Variants in NEK1 observed in about 807,000 individuals in gnomAD.
NEK1 encodes NIMA related kinase 1, also known as serine/threonine-protein kinase Nek1.
NEK1 carries 137 observed loss-of-function variants against 182.1 expected under a neutral mutation model. The ratio of observed to expected loss-of-function variants is 0.75; its 90% CI spans 0.65 to 0.87. The LOEUF (loss-of-function observed/expected upper bound fraction) is 0.87, where lower values mean the gene tolerates loss of function less well. Ranked by LOEUF, NEK1 falls within the 40% of genes least tolerant of loss-of-function variation. NEK1 has a pLI of 0.00. For missense variants in NEK1, 1,391 were observed against 1,494.4 expected (o/e 0.93, Z 1.14); for synonymous variants, 513 against 492.2 (o/e 1.04, Z -0.56).
At chr4:169,582,815 A>T (rs1766889980) in intron 10 of NEK1, among the ~76,000 whole-genome samples, 1 of 152,164 alleles carries the variant, frequency 6.6e-6, no homozygotes, top group African/African-American at 2.4e-5. Flanking sequence ...TACCAAGGAC[A>T]TTTCAAGTGC....
At chr4:169,406,910 T>A (rs1464190381) in intron 31 of NEK1, among the ~76,000 whole-genome samples, 163 bp from the exon 32 acceptor site, 1 of 151,284 alleles carries the variant, frequency 6.6e-6, no homozygotes, top group African/African-American at 2.4e-5. Flanking sequence ...ATAAAAAATA[T>A]ATATATATAT....
intron 35 of NEK1, among the ~76,000 whole-genome samples, chr4:169,399,186 A>G (rs1731217092): frequency 6.6e-6 from 1 of 152,126 alleles, no homozygotes; most frequent in Admixed American, 6.6e-5. Context: ...CAGAGGTTGC[A>G]GTGAGCTGAG....
intron 12 of NEK1, among the ~76,000 whole-genome samples, chr4:169,568,199 C>T (rs1052266454): frequency 4.6e-5 from 7 of 152,154 alleles, no homozygotes; most frequent in East Asian, 1.9e-4. Context: ...GACATAATGA[C>T]GTAAAGATAC....
intron 30 of NEK1, 63 bp downstream of exon 30, chr4:169,426,083 G>C (rs1282253269): frequency 8.4e-7 from 1 of 1,188,352 alleles, no homozygotes; most frequent in East Asian, 2.4e-5. Context: ...AAATAAAACA[G>C]GTTGATGTTA....
At chr4:169,537,131 C>T (rs1758638662) in intron 19 of NEK1, among the ~76,000 whole-genome samples, 1 of 152,132 alleles carries the variant, frequency 6.6e-6, no homozygotes. Context: ...AGTGGACAGA[C>T]ATAATCATCA....
chr4:169,488,762 A>G (rs1282245433), intron 23 of NEK1, among the ~76,000 whole-genome samples: 2 of 152,210 alleles, frequency 1.3e-5, no homozygotes, highest in Non-Finnish European at 2.9e-5. Context: ...GTAACGGTCA[A>G]TGAGTAAAGA....
chr4:169,503,592 C>T (rs1183551314), intron 23 of NEK1, among the ~76,000 whole-genome samples: 1 of 152,056 alleles, frequency 6.6e-6, no homozygotes, highest in Non-Finnish European at 1.5e-5. Context: ...TCATCTTTGA[C>T]AAATGTTCCA....
At chr4:169,588,528 TATAC>T (rs1362825540) in intron 8 of NEK1, 117 bp downstream of exon 8, 3 of 508,888 alleles carry the variant, frequency 5.9e-6, no homozygotes, top group African/African-American at 5.9e-5. Context: ...ACATTTTATA[TATAC>T]ATATGTGTTT....
chr4:169,602,015 T>G lies in NEK1; in HGVS notation c.207A>C (p.Ser69=). 1 of 1,607,308 alleles carries G rather than the reference T, an allele frequency of 6.2e-7. No individual in the cohort carries two copies. Among genetic ancestry groups the G allele is most frequent in the Non-Finnish European group, 8.5e-7 (1 of 1,174,674 alleles). The change falls in exon 4 of 36, where the codon TCA becomes TCC. Residue 69 remains serine, a synonymous_variant. Transcript: ENST00000507142. ...TCGCATAATTTATCTGACCTTCAAATGATTCTCTATACTGGACAATATTTG... is the reference window on the plus strand; with the variant it reads ...TCGCATAATTTATCTGACCTTCAAAGGATTCTCTATACTGGACAATATTTG... ...KHPNIVQYRE[S]FEENGSLYIV...
intron 19 of NEK1, among the ~76,000 whole-genome samples, chr4:169,524,676 T>C (rs1016644635): frequency 6.6e-6 from 1 of 152,008 alleles, no homozygotes; most frequent in African/African-American, 2.4e-5. Context: ...AAAGATGAAA[T>C]AGGGGTTGGA....
At chr4:169,406,547 T>C in intron 32 of NEK1, 49 bp downstream of exon 32, 7 of 1,395,000 alleles carry the variant, frequency 5.0e-6, no homozygotes, top group Non-Finnish European at 6.7e-6. Context: ...TTTTTACATA[T>C]AAATTCAGAA....
intron 10 of NEK1, among the ~76,000 whole-genome samples, chr4:169,582,309 T>C (rs1766783594): frequency 6.6e-6 from 1 of 152,124 alleles, no homozygotes; most frequent in South Asian, 2.1e-4. Flanking sequence ...CAAAGTCTCA[T>C]ACCAGCAGGA....
chr4:169,549,504 C>T (rs1175558221), intron 18 of NEK1, among the ~76,000 whole-genome samples: 1 of 152,174 alleles, frequency 6.6e-6, no homozygotes, highest in Non-Finnish European at 1.5e-5. Context: ...CTCACTGCAA[C>T]CTCTGCCTCC....
intron 23 of NEK1, among the ~76,000 whole-genome samples, chr4:169,506,444 GTAAAT>G (rs1490895849): frequency 1.3e-5 from 2 of 152,022 alleles, no homozygotes; most frequent in Non-Finnish European, 2.9e-5. Flanking sequence ...CTTGGTAATA[GTAAAT>G]TAAAAATTTT....
intron 5 of NEK1, among the ~76,000 whole-genome samples, chr4:169,596,485 T>A (rs944752469): frequency 6.6e-6 from 1 of 152,126 alleles, no homozygotes. Context: ...CTTTAAAATA[T>A]CTATGTAGAG....
intron 31 of NEK1, among the ~76,000 whole-genome samples, chr4:169,409,712 G>A (rs1440249659): frequency 1.3e-5 from 2 of 151,800 alleles, no homozygotes; most frequent in East Asian, 2.0e-4. Flanking sequence ...AGGTTGTAGT[G>A]AGCCGAGATC....
rs79898709 is a variant in NEK1 at position 169,508,656 on chromosome 4, C to G, written c.1749+113G>C. 7.5e-6 allele frequency: 6 copies of G among 795,552 alleles called. No individual in the cohort carries two copies. The East Asian group carries it at 1.7e-4, about 22-fold the overall frequency. The allele number at this position is 795,552 out of a possible 1,614,324, so 49.3% of individuals were successfully genotyped here. ...TCAAAAATATATTAACAGGTCCCTA[C>G]AGACCTACAAAATCTTCAAATAATT... On this transcript the variant is annotated intron_variant, in intron 20 of 35. Transcript: ENST00000507142.
chr4:169,421,817 A>C (rs1735530982), intron 31 of NEK1, among the ~76,000 whole-genome samples: 1 of 152,248 alleles, frequency 6.6e-6, no homozygotes. Flanking sequence ...TAAGAATTTC[A>C]ATCTTCTCTC....
Position 169,438,221 on chromosome 4 carries a change from T to C in NEK1, c.2626A>G (p.Thr876Ala), listed in dbSNP as rs1257181833. The C allele has an allele frequency of 2.6e-6, 4 of 1,567,218 alleles. No individual in the cohort carries two copies. The highest frequency in any genetic ancestry group is 1.4e-5 in the African/African-American group (1 of 73,986). Residue 876 changes from threonine to alanine, a missense_variant, in exon 28 of 36, where the codon ACT becomes GCT. Physicochemically the swap from Thr to Ala is moderately conservative, Grantham distance 58. Coordinates refer to ENST00000507142, the MANE Select transcript of NEK1 (RefSeq NM_001199397.3). ...PEGEKYKPLI[T>A]GEKKVQCISH... ...ATACATTGTACTTTTTTTTCTCCAG[T>C]AATTAAGGGTTTGTACTTTTCCCCT...
Sources: allele counts gnomAD v4.1 joint callset (sites outside exome capture counted in the v4.1 genomes callset), GRCh38; gene constraint gnomAD v4.1.1; transcripts MANE v1.5; gene names NCBI Gene and HGNC (gene_info 2026-07-23, HGNC 2026-07-21).